The following EXOC4 variants were observed in gnomAD, a reference collection of about 807,000 sequenced individuals.
EXOC4 encodes SEC8-like 1.
In EXOC4, 71 loss-of-function variants were observed where a neutral mutation model predicts 107.2. The ratio of observed to expected loss-of-function variants is 0.66; its 90% CI spans 0.55 to 0.81. The LOEUF (loss-of-function observed/expected upper bound fraction) is 0.81. EXOC4 is among the 30% of genes least tolerant of loss of function. The pLI is 0.00. For missense variants in EXOC4, 1,108 were observed against 1,189.6 expected (o/e 0.93, Z 1.01); for synonymous variants, 456 against 441.2 (o/e 1.03, Z -0.42).
chr7:133,290,852 C>T (rs914086227), intron 3 of EXOC4: 4 of 152,074 alleles, frequency 2.6e-5, no homozygotes, highest in African/African-American at 7.2e-5. Context: ...CTCATGTAAC[C>T]AGTCTGCCAA....
At position 133,722,594 on chromosome 7, in the gene EXOC4, G is replaced by A. The variant is rs190184474; in HGVS notation, c.1514+92453G>A. 2.2e-3 allele frequency among the ~76,000 whole-genome samples: 329 copies of A among 152,292 alleles called. 2 individuals are homozygous for A. Among genetic ancestry groups the A allele is most frequent in the African/African-American group, 7.2e-3 (301 of 41,542 alleles). On this transcript the variant is annotated intron_variant, in intron 10 of 17. Coordinates refer to ENST00000253861, the MANE Select transcript of EXOC4 (RefSeq NM_021807.4). Reference sequence around the variant, plus strand: ...AATACAACTGGTGTAGTAAGCAGAGGTGATAACTGTTACGTACTTCACCTT... The same window carrying A: ...AATACAACTGGTGTAGTAAGCAGAGATGATAACTGTTACGTACTTCACCTT...
chr7:133,726,675 C>A (rs1031948984), intron 10 of EXOC4, among the ~76,000 whole-genome samples: 4 of 152,198 alleles, frequency 2.6e-5, no homozygotes, highest in Non-Finnish European at 5.9e-5. Flanking sequence ...TCTTATCCCT[C>A]TACTAGGAGC....
chr7:133,781,885 C>T (rs1344550893), intron 10 of EXOC4, among the ~76,000 whole-genome samples: 1 of 149,082 alleles, frequency 6.7e-6, no homozygotes, highest in Non-Finnish European at 1.5e-5. Context: ...ATGTGTACTT[C>T]CAGACCTGCC....
chr7:133,576,696 T>A, intron 9 of EXOC4: 1 of 1,289,752 alleles, frequency 7.8e-7, no homozygotes, highest in South Asian at 1.2e-5. Flanking sequence ...CGTGAAACCA[T>A]CTCAATGAAG....
At chr7:133,393,521 T>C (rs538065771) in intron 7 of EXOC4, among the ~76,000 whole-genome samples, 78 of 152,316 alleles carry the variant, frequency 5.1e-4, no homozygotes, top group Non-Finnish European at 8.8e-4. Context: ...TACCCCATAT[T>C]CATATGTTGA....
chr7:133,463,100 T>C (rs930746370), intron 7 of EXOC4, among the ~76,000 whole-genome samples: 2 of 152,058 alleles, frequency 1.3e-5, no homozygotes, highest in African/African-American at 2.4e-5. Context: ...TGAAAGATAA[T>C]GAGGACCTGA....
chr7:133,955,190 A>C (rs1469598210), intron 14 of EXOC4, among the ~76,000 whole-genome samples: 1 of 152,230 alleles, frequency 6.6e-6, no homozygotes, highest in Non-Finnish European at 1.5e-5. Flanking sequence ...TCCAGGAAGA[A>C]TGAGTTACAT....
At chr7:133,951,964 T>C (rs2116795249) in intron 14 of EXOC4, among the ~76,000 whole-genome samples, 1 of 152,304 alleles carries the variant, frequency 6.6e-6, no homozygotes, top group East Asian at 1.9e-4. Context: ...GTTACTAGCC[T>C]GGCCAACATG....
intron 14 of EXOC4, among the ~76,000 whole-genome samples, chr7:133,959,964 C>T (rs1208439652): frequency 6.6e-6 from 1 of 151,972 alleles, no homozygotes; most frequent in Non-Finnish European, 1.5e-5. Flanking sequence ...TCTACCAAAC[C>T]GAAGGAGTTT....
intron 10 of EXOC4, among the ~76,000 whole-genome samples, chr7:133,813,665 A>G (rs1160723232): frequency 1.3e-5 from 2 of 151,584 alleles, no homozygotes; most frequent in Non-Finnish European, 2.9e-5. Context: ...GCCTTCTTTC[A>G]CTCACCCTCT....
chr7:133,327,074 G>A (rs1449399435), intron 5 of EXOC4, among the ~76,000 whole-genome samples: 3 of 152,118 alleles, frequency 2.0e-5, no homozygotes, highest in Non-Finnish European at 4.4e-5. Flanking sequence ...GTATTAGGGT[G>A]GGAGTGTCCT....
At chr7:133,966,500 A>G (rs751314653) in intron 14 of EXOC4, among the ~76,000 whole-genome samples, 1 of 152,222 alleles carries the variant, frequency 6.6e-6, no homozygotes, top group Non-Finnish European at 1.5e-5. Context: ...GGTACGTTCC[A>G]TCAGTACCTA....
At chr7:133,708,872 C>T (rs540167872) in intron 10 of EXOC4, among the ~76,000 whole-genome samples, 20 of 152,312 alleles carry the variant, frequency 1.3e-4, no homozygotes, top group African/African-American at 4.6e-4. Context: ...CCCATGGATC[C>T]ATAGCTCCAC....
chr7:133,569,649 T>A (rs1800977837), intron 9 of EXOC4, among the ~76,000 whole-genome samples: 1 of 152,202 alleles, frequency 6.6e-6, no homozygotes, highest in Admixed American at 6.5e-5. Context: ...TAGGTATGTG[T>A]GTGTAAGACA....
chr7:133,886,339 G>T (rs1200179601), intron 11 of EXOC4, among the ~76,000 whole-genome samples: 1 of 152,170 alleles, frequency 6.6e-6, no homozygotes, highest in Non-Finnish European at 1.5e-5. Flanking sequence ...GTATCATGAG[G>T]CAGAGCCCCA....
intron 10 of EXOC4, among the ~76,000 whole-genome samples, chr7:133,654,786 T>C (rs1803248138): frequency 6.6e-6 from 1 of 152,186 alleles, no homozygotes; most frequent in African/African-American, 2.4e-5. Context: ...TATAACCTAC[T>C]ACACGCCTAG....
intron 6 of EXOC4, among the ~76,000 whole-genome samples, chr7:133,371,211 G>C (rs930349756): frequency 6.6e-6 from 1 of 152,114 alleles, no homozygotes; most frequent in African/African-American, 2.4e-5. Flanking sequence ...TCCCCACTCA[G>C]AGCCATAGCT....
chr7:133,361,881 G>C (rs1447677581), intron 6 of EXOC4, among the ~76,000 whole-genome samples: 1 of 152,132 alleles, frequency 6.6e-6, no homozygotes, highest in African/African-American at 2.4e-5. Context: ...ATAGGTACAA[G>C]GTGGTTCATT....
intron 10 of EXOC4, among the ~76,000 whole-genome samples, chr7:133,631,536 A>G (rs1802591265): frequency 6.6e-6 from 1 of 152,036 alleles, no homozygotes; most frequent in Non-Finnish European, 1.5e-5. Context: ...CTTGACTTTC[A>G]CACAATAAAA....
Sources: allele counts gnomAD v4.1 joint callset (sites outside exome capture counted in the v4.1 genomes callset), GRCh38; gene constraint gnomAD v4.1.1; transcripts MANE v1.5; gene names NCBI Gene and HGNC (gene_info 2026-07-23, HGNC 2026-07-21).